The following CEP350 variants were observed in gnomAD, a reference collection of about 807,000 sequenced individuals.
CEP350 encodes centrosomal protein 350.
CEP350 carries 126 observed loss-of-function variants against 331.8 expected under a neutral mutation model. The ratio of observed to expected loss-of-function variants is 0.38; its 90% CI spans 0.33 to 0.44. CEP350 has a LOEUF of 0.44. Among genes scored for constraint, CEP350 ranks in the 20% least tolerant of loss-of-function variants. CEP350 has a pLI of 1.00. For missense variants in CEP350, 3,406 were observed against 3,634.6 expected, an observed-to-expected ratio of 0.94 and a Z score of 1.62; for synonymous variants, 1,200 against 1,259.5, an observed-to-expected ratio of 0.95 and a Z score of 1.00.
At chr1:180,071,180 G>A (rs1199608647) in intron 27 of CEP350, among the ~76,000 whole-genome samples, 4 of 148,152 alleles carry the variant, frequency 2.7e-5, no homozygotes, top group Non-Finnish European at 4.5e-5. Flanking sequence ...GAATAAAGCC[G>A]GGCACGGTGG....
intron 1 of CEP350, among the ~76,000 whole-genome samples, chr1:179,981,078 T>A (rs918344328): frequency 1.2e-4 from 19 of 152,138 alleles, no homozygotes; most frequent in Admixed American, 8.5e-4. Flanking sequence ...TCATTTTTTA[T>A]TGATGAAATA....
chr1:179,985,716 A>G (rs565883550), intron 1 of CEP350, among the ~76,000 whole-genome samples: 1 of 152,222 alleles, frequency 6.6e-6, no homozygotes, highest in East Asian at 1.9e-4. Flanking sequence ...AAACCGTTAG[A>G]TCTCACGAGA....
At chr1:179,978,601 A>G (rs1400098486) in intron 1 of CEP350, among the ~76,000 whole-genome samples, 2 of 151,772 alleles carry the variant, frequency 1.3e-5, no homozygotes, top group Non-Finnish European at 2.9e-5. Flanking sequence ...GAGCTCTTCT[A>G]TGAGCTTCTG....
At chr1:180,001,788 T>G (rs983654202) in intron 6 of CEP350, among the ~76,000 whole-genome samples, 1 of 152,170 alleles carries the variant, frequency 6.6e-6, no homozygotes, top group Non-Finnish European at 1.5e-5. Flanking sequence ...GAAGAATAAA[T>G]AATATTGTCT....
intron 10 of CEP350, 123 bp from the exon 11 acceptor site, chr1:180,015,725 CA>C (rs200727906): frequency 1.5e-4 from 177 of 1,144,836 alleles, no homozygotes; most frequent in Middle Eastern, 2.0e-4. Context: ...TTTTGTTTGA[CA>C]AAAAAAAACC....
chr1:179,978,549 C>T (rs909126847), intron 1 of CEP350, among the ~76,000 whole-genome samples: 1 of 152,072 alleles, frequency 6.6e-6, no homozygotes, highest in Non-Finnish European at 1.5e-5. Flanking sequence ...CTTAACCCCC[C>T]TCCCAGCCCC....
intron 1 of CEP350, among the ~76,000 whole-genome samples, chr1:179,966,645 A>C (rs1205444501): frequency 1.3e-5 from 2 of 152,194 alleles, no homozygotes; most frequent in Non-Finnish European, 2.9e-5. Context: ...TACCCCCTTC[A>C]GTATTATCAT....
At chr1:180,060,515 C>T (rs1658157630) in intron 25 of CEP350, among the ~76,000 whole-genome samples, 1 of 152,064 alleles carries the variant, frequency 6.6e-6, no homozygotes, top group Non-Finnish European at 1.5e-5. Context: ...ATTAGCTATG[C>T]GTGGTGGCAC....
intron 10 of CEP350, 113 bp downstream of exon 10, chr1:180,014,618 T>A (rs1654855230): frequency 5.3e-6 from 5 of 948,282 alleles, no homozygotes; most frequent in African/African-American, 1.7e-5. Flanking sequence ...ATACTTATAA[T>A]AATCATGGCC....
At position 180,105,437 on chromosome 1, in the gene CEP350, T is replaced by G. The variant is rs902765252; in HGVS notation, c.9190-5560T>G. Among the ~76,000 whole-genome samples the G allele has an allele frequency of 3.9e-5, 6 of 152,166 alleles. No individual in the cohort carries two copies. The East Asian group carries it at 1.2e-3, about 29-fold the overall frequency. On this transcript the variant is annotated intron_variant, in intron 37 of 37. Transcript: ENST00000367607. ...CTTGACTCCAGATGCATATAGCCAT[T>G]TGCCTACTCAGTATCTCCATTTGGA...
In CEP350 at chr1:180,055,666, C is replaced by T. The variant is rs575609704; in HGVS notation, c.5262+1164C>T. ...CCCAGGCGCCATTCTCCTGCCTCAG[C>T]CTCCTGAGTAGCTGGGACTACAGCC... On this transcript the variant is annotated intron_variant, in intron 25 of 37. Transcript: ENST00000367607. Among the ~76,000 whole-genome samples the T allele has an allele frequency of 6.0e-5, 9 of 150,872 alleles. No individual in the cohort carries two copies. In the South Asian group the frequency reaches 1.9e-3, roughly 32 times the overall value.
chr1:180,013,819 T>C (rs1294860137), intron 9 of CEP350, 28 bp from the exon 10 acceptor site: 1 of 1,547,496 alleles, frequency 6.5e-7, no homozygotes, highest in East Asian at 2.3e-5. Flanking sequence ...AGAATTTCGG[T>C]ATATCACTAA....
chr1:180,053,116 G>T lies in CEP350; in HGVS notation c.4939G>T (p.Asp1647Tyr). ...GGAAAAGAGAAGAGGTCATCATGATGACTCTGATGAAGAAGCTTCTCCAGA... is the reference window on the plus strand; with the variant it reads ...GGAAAAGAGAAGAGGTCATCATGATTACTCTGATGAAGAAGCTTCTCCAGA... ...NMEKRRGHHDDSDEEASPEKT... is the reference protein window; with the variant it reads ...NMEKRRGHHDYSDEEASPEKT... The change falls in exon 23 of 38, where the codon GAC becomes TAC. Residue 1647 changes from aspartate to tyrosine, a missense_variant. Physicochemically the swap from Asp to Tyr is radical, Grantham distance 160. This residue lies in a region of CEP350 where 104 missense variants were observed against 143.3 expected (regional missense o/e 0.73). Coordinates refer to ENST00000367607, the MANE Select transcript of CEP350 (RefSeq NM_014810.5). The T allele has an allele frequency of 6.2e-7, 1 of 1,605,534 alleles. No individual in the cohort carries two copies. Among genetic ancestry groups the T allele is most frequent in the South Asian group, 1.1e-5 (1 of 89,378 alleles).
At chr1:180,029,543 A>T (rs961419915) in intron 14 of CEP350, among the ~76,000 whole-genome samples, 3 of 152,170 alleles carry the variant, frequency 2.0e-5, no homozygotes, top group Non-Finnish European at 4.4e-5. Context: ...CTGTTGTACA[A>T]TCATCCCCAC....
chr1:179,970,017 TAGTG>T (rs760956260), intron 1 of CEP350, among the ~76,000 whole-genome samples: 7 of 152,190 alleles, frequency 4.6e-5, no homozygotes, highest in African/African-American at 1.4e-4. Context: ...GATAACTAGA[TAGTG>T]AGTAAGCAAA....
At chr1:180,039,085 C>T (rs1425345541) in intron 17 of CEP350, among the ~76,000 whole-genome samples, 1 of 123,788 alleles carries the variant, frequency 8.1e-6, no homozygotes, top group African/African-American at 3.1e-5. Flanking sequence ...TCCACCGTGG[C>T]GTATGCCTGT....
rs1660451514 is a variant in CEP350, at chr1:180,095,831, A to G, written c.8820A>G (p.Leu2940=). The G allele has an allele frequency of 6.2e-7, 1 of 1,613,890 alleles. No individual in the cohort carries two copies. Among genetic ancestry groups the G allele is most frequent in the Admixed American group, 1.7e-5 (1 of 60,002 alleles). The change falls in exon 35 of 38, where the codon TTA becomes TTG. Residue 2940 remains leucine (L), a synonymous_variant. Transcript: ENST00000367607. The part of the protein sequence containing the change: ...AAEELWKWKE[L]GHDLHSISIP... Reference sequence around the variant, plus strand: ...AAGAACTTTGGAAATGGAAAGAATTAGGCCACGATCTTCATAGCATCAGTA... The same window carrying G: ...AAGAACTTTGGAAATGGAAAGAATTGGGCCACGATCTTCATAGCATCAGTA...
intron 27 of CEP350, among the ~76,000 whole-genome samples, chr1:180,071,763 C>CA (rs1176745083): frequency 7.0e-6 from 1 of 142,608 alleles, no homozygotes; most frequent in Non-Finnish European, 1.5e-5. Context: ...GCCTGGGCAA[C>CA]AGAGCAAGAC....
chr1:179,968,066 C>T (rs1241385865), intron 1 of CEP350, among the ~76,000 whole-genome samples: 4 of 152,278 alleles, frequency 2.6e-5, no homozygotes, highest in Non-Finnish European at 5.9e-5. Context: ...TGCTGTGGCT[C>T]AGGCCTATAG....
Sources: gnomAD v4.1 joint callset for allele counts (sites outside exome capture counted in the v4.1 genomes callset) on GRCh38, gnomAD v4.1.1 for gene constraint, gnomAD v4.1.1 regional missense constraint, MANE v1.5 for transcripts, NCBI Gene and HGNC (gene_info 2026-07-23, HGNC 2026-07-21) for gene names.